The following SGCZ variants were observed in gnomAD, a reference collection of about 807,000 sequenced individuals.
The protein encoded by SGCZ is sarcoglycan zeta.
In SGCZ, 40 loss-of-function variants were observed where a neutral mutation model predicts 41.3. That is an observed-to-expected ratio of 0.97 (90% CI 0.75 to 1.26). The LOEUF (loss-of-function observed/expected upper bound fraction) is 1.26, where lower values mean the gene tolerates loss of function less well. Among genes scored for constraint, SGCZ ranks in the 50% most tolerant of loss-of-function variants. SGCZ has a pLI of 0.00. For synonymous variants in SGCZ, 206 were observed against 137.5 expected, an observed-to-expected ratio of 1.50 and a Z score of -3.49; for missense variants, 552 against 369.8, an observed-to-expected ratio of 1.49 and a Z score of -4.04.
chr8:14,329,499 C>T (rs1411395738), intron 2 of SGCZ, among the ~76,000 whole-genome samples: 1 of 152,132 alleles, frequency 6.6e-6, no homozygotes, highest in Non-Finnish European at 1.5e-5. Flanking sequence ...TTTCCAATGA[C>T]ACTATGACAG....
rs1307923001 is a variant in SGCZ, at chr8:14,164,607, T to C, written c.520A>G (p.Ile174Val). 4 of 1,613,406 alleles carry C rather than the reference T, an allele frequency of 2.5e-6. No individual in the cohort carries two copies. Among genetic ancestry groups the C allele is most frequent in the South Asian group, 2.2e-5 (2 of 91,078 alleles). Reference protein sequence around the residue: ...LFSADEDEITIGAEKLKVTGT... With the variant: ...LFSADEDEITVGAEKLKVTGT... Reference sequence around the variant, plus strand: ...GTAACTTTCAGCTTTTCAGCCCCAATGGTAATCTCATCTTCATCTGCAGAA... The same window carrying C: ...GTAACTTTCAGCTTTTCAGCCCCAACGGTAATCTCATCTTCATCTGCAGAA... Residue 174 changes from isoleucine to valine, a missense_variant, in exon 5 of 8, where the codon ATT becomes GTT. By Grantham distance (29) the Ile-to-Val change is conservative. Coordinates refer to ENST00000382080, the MANE Select transcript of SGCZ (RefSeq NM_139167.4).
At chr8:15,106,974 C>T (rs2131092074) in intron 1 of SGCZ, among the ~76,000 whole-genome samples, 1 of 152,094 alleles carries the variant, frequency 6.6e-6, no homozygotes, top group East Asian at 1.9e-4. Flanking sequence ...AAGTGTTTTT[C>T]TCCATTTACA....
chr8:14,653,094 G>A (rs117580985), intron 1 of SGCZ, among the ~76,000 whole-genome samples: 2,588 of 151,996 alleles, frequency 0.017, 32 homozygotes, highest in South Asian at 0.044. Flanking sequence ...ATCTAGAATT[G>A]GAATTTTAAA....
In SGCZ at chr8:14,839,523, A is replaced by C. The variant is rs181332146; in HGVS notation, c.40-284597T>G. ...TATTGTTTTTATGTAATTATAACCA[A>C]AGCACTAACATTTGTTTTACAATAA... On this transcript the variant is annotated intron_variant, in intron 1 of 7. Coordinates refer to ENST00000382080, the MANE Select transcript of SGCZ (RefSeq NM_139167.4). Among the ~76,000 whole-genome samples, 47 of 152,340 alleles carry C rather than the reference A, an allele frequency of 3.1e-4. 1 individual carries two copies. The highest frequency in any genetic ancestry group is 1.1e-3 in the African/African-American group (47 of 41,582).
intron 1 of SGCZ, among the ~76,000 whole-genome samples, chr8:14,908,730 T>C (rs1014327213): frequency 2.3e-5 from 3 of 128,718 alleles, no homozygotes; most frequent in Non-Finnish European, 3.1e-5. Context: ...AGCCTGGTGA[T>C]CTGTCACCGT....
intron 2 of SGCZ, among the ~76,000 whole-genome samples, chr8:14,454,139 C>A (rs1488598195): frequency 6.6e-6 from 1 of 152,116 alleles, no homozygotes; most frequent in Non-Finnish European, 1.5e-5. Context: ...CCTTAATGCA[C>A]CTTCAGATAT....
At chr8:14,792,251 C>T (rs1800979641) in intron 1 of SGCZ, among the ~76,000 whole-genome samples, 1 of 152,138 alleles carries the variant, frequency 6.6e-6, no homozygotes. Flanking sequence ...TATAAACATA[C>T]ATTTTTTCTT....
chr8:14,811,074 T>G (rs1563286195), intron 1 of SGCZ, among the ~76,000 whole-genome samples: 2 of 151,926 alleles, frequency 1.3e-5, no homozygotes, highest in African/African-American at 4.8e-5. Flanking sequence ...TAAGCTTATA[T>G]AAAAAAAGTT....
At chr8:15,013,084 T>C (rs1177772880) in intron 1 of SGCZ, among the ~76,000 whole-genome samples, 1 of 152,156 alleles carries the variant, frequency 6.6e-6, no homozygotes, top group Non-Finnish European at 1.5e-5. Flanking sequence ...TTCAAAATGA[T>C]ACCTGGTTTG....
At chr8:14,438,385 T>C (rs1800151988) in intron 2 of SGCZ, among the ~76,000 whole-genome samples, 1 of 152,030 alleles carries the variant, frequency 6.6e-6, no homozygotes, top group Non-Finnish European at 1.5e-5. Context: ...TTAGACGTCA[T>C]AATTCACTCT....
At chr8:14,725,277 A>G (rs1810013403) in intron 1 of SGCZ, among the ~76,000 whole-genome samples, 1 of 152,220 alleles carries the variant, frequency 6.6e-6, no homozygotes, top group African/African-American at 2.4e-5. Flanking sequence ...TCTACTGTGT[A>G]GAATGTTGCA....
chr8:14,334,909 G>C (rs989323125), intron 2 of SGCZ, among the ~76,000 whole-genome samples: 1 of 151,990 alleles, frequency 6.6e-6, no homozygotes, highest in African/African-American at 2.4e-5. Context: ...GTGTATTTCC[G>C]ACTGTGTATT....
chr8:14,461,095 T>C (rs1245262061), intron 2 of SGCZ, among the ~76,000 whole-genome samples: 2 of 152,110 alleles, frequency 1.3e-5, no homozygotes, highest in Non-Finnish European at 1.5e-5. Context: ...GCCTTGGTGA[T>C]TCAGAATGCT....
At chr8:15,133,046 G>C (rs1235433666) in intron 1 of SGCZ, among the ~76,000 whole-genome samples, 1 of 152,066 alleles carries the variant, frequency 6.6e-6, no homozygotes, top group Non-Finnish European at 1.5e-5. Flanking sequence ...GAGAGGCTGA[G>C]GTAGGAGGAT....
chr8:14,444,597 G>A (rs1800376184), intron 2 of SGCZ, among the ~76,000 whole-genome samples: 1 of 149,078 alleles, frequency 6.7e-6, no homozygotes, highest in Non-Finnish European at 1.5e-5. Flanking sequence ...TCACTCACAG[G>A]TGGGAATTGA....
intron 1 of SGCZ, among the ~76,000 whole-genome samples, chr8:14,694,038 G>C (rs970441848): frequency 1.3e-5 from 2 of 152,162 alleles, no homozygotes; most frequent in African/African-American, 2.4e-5. Context: ...GCAGTTGTAA[G>C]TTGTCATTTC....
At chr8:14,502,888 G>T (rs555306824) in intron 2 of SGCZ, among the ~76,000 whole-genome samples, 41 of 152,312 alleles carry the variant, frequency 2.7e-4, no homozygotes, top group African/African-American at 9.6e-4. Context: ...ACAGTGTGGT[G>T]ATTCCTCAAG....
chr8:14,915,681 C>T (rs1799413268), intron 1 of SGCZ, among the ~76,000 whole-genome samples: 1 of 152,270 alleles, frequency 6.6e-6, no homozygotes, highest in Admixed American at 6.5e-5. Context: ...TCAAACCAAT[C>T]TGTGTTCCCT....
chr8:14,486,487 G>A (rs1200990730), intron 2 of SGCZ, among the ~76,000 whole-genome samples: 1 of 152,292 alleles, frequency 6.6e-6, no homozygotes, highest in Admixed American at 6.5e-5. Context: ...AAATAATAAA[G>A]ATCAAACATT....
Sources: gnomAD v4.1 joint callset for allele counts (sites outside exome capture counted in the v4.1 genomes callset) on GRCh38, gnomAD v4.1.1 for gene constraint, MANE v1.5 for transcripts, NCBI Gene and HGNC (gene_info 2026-07-23, HGNC 2026-07-21) for gene names.